Variants in UBE2D1 observed in about 807,000 individuals in gnomAD.
The protein encoded by UBE2D1 is ubiquitin-conjugating enzyme E2 D1.
In UBE2D1, 9 loss-of-function variants were observed where a neutral mutation model predicts 24.6. The observed-to-expected ratio is 0.37, with a 90% CI of 0.22 to 0.64. The LOEUF (loss-of-function observed/expected upper bound fraction) is 0.64, where lower values mean the gene tolerates loss of function less well. Among genes scored for constraint, UBE2D1 ranks in the 30% least tolerant of loss-of-function variants. The pLI, the probability that UBE2D1 is intolerant of heterozygous loss-of-function variation, is 0.64. For synonymous variants in UBE2D1, 57 were observed against 57.6 expected (o/e 0.99, Z 0.04); for missense variants, 87 against 177.1 (o/e 0.49, Z 2.89).
intron 1 of UBE2D1, among the ~76,000 whole-genome samples, chr10:58,360,458 A>G (rs1329925216): frequency 6.6e-6 from 1 of 152,046 alleles, no homozygotes; most frequent in East Asian, 1.9e-4. Flanking sequence ...AAAAGAGAAA[A>G]GAAGAAAAAT....
At chr10:58,354,928 AT>A (rs556838695) in intron 1 of UBE2D1, among the ~76,000 whole-genome samples, 5 of 152,166 alleles carry the variant, frequency 3.3e-5, no homozygotes, top group Middle Eastern at 3.2e-3. Flanking sequence ...CATAAATAAC[AT>A]TTTTTTGTGA....
At chr10:58,335,369 C>T (rs921261954) in intron 1 of UBE2D1, 144 bp downstream of exon 1, 21 of 1,020,554 alleles carry the variant, frequency 2.1e-5, no homozygotes, top group Non-Finnish European at 2.7e-5. Context: ...AGGCTCGGGC[C>T]GGGCCAGCGG....
At chr10:58,352,026 T>G (rs998473851) in intron 1 of UBE2D1, among the ~76,000 whole-genome samples, 3 of 152,182 alleles carry the variant, frequency 2.0e-5, no homozygotes, top group Non-Finnish European at 4.4e-5. Flanking sequence ...GATACCTAAT[T>G]GACCCAGCAC....
At position 58,363,659 on chromosome 10, in the gene UBE2D1, G is replaced by A. The variant is rs369740514; in HGVS notation, c.171G>A (p.Pro57=). Reference sequence around the variant, plus strand: ...TCTTCTTTCTCACTGTACATTTTCCGACAGATTATCCTTTTAAACCACCAA... The same window carrying A: ...TCTTCTTTCTCACTGTACATTTTCCAACAGATTATCCTTTTAAACCACCAA... ...GGVFFLTVHF[P]TDYPFKPPKI... The change falls in exon 4 of 7, where the codon CCG becomes CCA. Residue 57 remains proline (P), a synonymous_variant. Transcript: ENST00000373910. The A allele has an allele frequency of 1.4e-5, 23 of 1,611,414 alleles. No homozygotes were observed. The highest frequency in any genetic ancestry group is 4.5e-5 in the East Asian group (2 of 44,702).
At chr10:58,365,976 C>T (rs1041056379) in intron 5 of UBE2D1, among the ~76,000 whole-genome samples, 73 of 152,108 alleles carry the variant, frequency 4.8e-4, no homozygotes, top group Non-Finnish European at 7.5e-4. Flanking sequence ...TATTTATGAA[C>T]GATAGTTTTT....
At chr10:58,355,002 T>C (rs112624789) in intron 1 of UBE2D1, among the ~76,000 whole-genome samples, 4 of 152,324 alleles carry the variant, frequency 2.6e-5, no homozygotes, top group African/African-American at 9.6e-5. Flanking sequence ...TCAAATCTCG[T>C]TATAGTCAAG....
rs529115805 is a variant in UBE2D1, at chr10:58,335,262, C to T, written c.24+37C>T. On this transcript the variant is annotated intron_variant, in intron 1 of 6. Transcript: ENST00000373910. ...GGCCGGGCCTGGGGCTGCGGGGCAG[C>T]GGCCCCCTGCCCACGCTGACTCGGC... 5.3e-6 allele frequency: 8 copies of T among 1,503,214 alleles called. No individual in the cohort carries two copies. The African/African-American group carries it at 8.7e-5, about 16-fold the overall frequency. The allele number at this position is 1,503,214 out of a possible 1,614,324, so 93.1% of individuals were successfully genotyped here.
At chr10:58,340,888 A>G (rs1408511518) in intron 1 of UBE2D1, among the ~76,000 whole-genome samples, 1 of 152,208 alleles carries the variant, frequency 6.6e-6, no homozygotes, top group Non-Finnish European at 1.5e-5. Context: ...ACTGGAAGAC[A>G]TAGAGTCAAA....
chr10:58,365,377 G>A (rs1840244523), intron 5 of UBE2D1, among the ~76,000 whole-genome samples: 1 of 152,152 alleles, frequency 6.6e-6, no homozygotes, highest in African/African-American at 2.4e-5. Context: ...AAATGGAAAT[G>A]TTGACAATAA....
Position 58,335,405 on chromosome 10 carries a change from G to A in UBE2D1, c.24+180G>A, listed in dbSNP as rs567734874. On this transcript the variant is annotated intron_variant, in intron 1 of 6. Coordinates refer to ENST00000373910, the MANE Select transcript of UBE2D1 (RefSeq NM_003338.5). ...GCATCGGACAGGTGAGGTGGGAGCAGGGTCAGGTCCCAGGCGGCCGGAGGA... is the reference window on the plus strand; with the variant it reads ...GCATCGGACAGGTGAGGTGGGAGCAAGGTCAGGTCCCAGGCGGCCGGAGGA... Among the ~76,000 whole-genome samples the A allele has an allele frequency of 1.2e-4, 18 of 152,346 alleles. No homozygotes were observed. In the South Asian group the frequency reaches 3.7e-3, roughly 32 times the overall value.
chr10:58,340,465 T>C (rs1839950752), intron 1 of UBE2D1, among the ~76,000 whole-genome samples: 1 of 152,190 alleles, frequency 6.6e-6, no homozygotes, highest in Non-Finnish European at 1.5e-5. Context: ...CAGTAATCTG[T>C]TTATAGAAGA....
chr10:58,337,307 C>T (rs1435926395), intron 1 of UBE2D1, among the ~76,000 whole-genome samples: 1 of 152,122 alleles, frequency 6.6e-6, no homozygotes, highest in Admixed American at 6.5e-5. Context: ...CCATTAATCA[C>T]ACATTCAGAC....
intron 1 of UBE2D1, among the ~76,000 whole-genome samples, chr10:58,348,386 A>G (rs1216508637): frequency 6.6e-6 from 1 of 152,234 alleles, no homozygotes; most frequent in Non-Finnish European, 1.5e-5. Context: ...AATACAGCTT[A>G]TATATCCTTT....
chr10:58,365,021 G>T, intron 5 of UBE2D1, 145 bp downstream of exon 5: 3 of 620,040 alleles, frequency 4.8e-6, no homozygotes, highest in Non-Finnish European at 8.0e-6. Flanking sequence ...TTGCTCTTAT[G>T]TTACTATGGC....
intron 3 of UBE2D1, among the ~76,000 whole-genome samples, chr10:58,362,664 C>T (rs747673534): frequency 2.0e-5 from 3 of 151,934 alleles, no homozygotes; most frequent in Non-Finnish European, 4.4e-5. Context: ...GTACTCTGGA[C>T]CATATCTGTC....
chr10:58,361,098 TAAA>T (rs1840192288), intron 1 of UBE2D1, among the ~76,000 whole-genome samples: 1 of 152,176 alleles, frequency 6.6e-6, no homozygotes, highest in South Asian at 2.1e-4. Context: ...TTAGGGATGT[TAAA>T]GAAAAACAGT....
chr10:58,366,177 C>G (rs566853543), intron 5 of UBE2D1, among the ~76,000 whole-genome samples: 1 of 152,250 alleles, frequency 6.6e-6, no homozygotes, highest in South Asian at 2.1e-4. Context: ...CTGCCAAGTC[C>G]TTATACATAT....
intron 4 of UBE2D1, chr10:58,364,551 G>A: frequency 4.3e-6 from 2 of 470,158 alleles, no homozygotes; most frequent in South Asian, 6.1e-5. Context: ...CAGTTCCTTT[G>A]AGGGCAAAAG....
At chr10:58,348,855 C>A (rs557589510) in intron 1 of UBE2D1, among the ~76,000 whole-genome samples, 4 of 152,278 alleles carry the variant, frequency 2.6e-5, no homozygotes, top group African/African-American at 9.6e-5. Context: ...ACATTCCCTT[C>A]TTTGTTTCCT....
Sources: allele counts gnomAD v4.1 joint callset (sites outside exome capture counted in the v4.1 genomes callset), GRCh38; gene constraint gnomAD v4.1.1; transcripts MANE v1.5; gene names NCBI Gene and HGNC (gene_info 2026-07-23, HGNC 2026-07-21).